STARD9: variants seen among roughly 807,000 people sequenced by gnomAD.
The protein encoded by STARD9 is stAR-related lipid transfer protein 9.
Under a neutral mutation model 399.8 loss-of-function variants are expected in STARD9, and 346 were observed. That is an observed-to-expected ratio of 0.87 (90% CI 0.79 to 0.95). The LOEUF is 0.95. Ranked by LOEUF, STARD9 falls within the 40% of genes least tolerant of loss-of-function variation. The pLI, the probability that STARD9 is intolerant of heterozygous loss-of-function variation, is 0.00. For missense variants in STARD9, 5,832 were observed against 5,667.5 expected, an observed-to-expected ratio of 1.03 and a Z score of -0.93; for synonymous variants, 2,203 against 2,143.5, an observed-to-expected ratio of 1.03 and a Z score of -0.77.
rs1031158079 is a variant in STARD9 at position 42,717,891 on chromosome 15, A to G, written c.13560-86A>G. ...TCCTTTCCCTTACCTGGATTCCTCA[A>G]GTCTTCACTCTGAGCCCCTCCTTTG... On this transcript the variant is annotated intron_variant, in intron 29 of 32. Coordinates refer to ENST00000290607, the MANE Select transcript of STARD9 (RefSeq NM_020759.3). The G allele has an allele frequency of 2.0e-6, 3 of 1,501,418 alleles. No homozygotes were observed. In the South Asian group the frequency reaches 3.6e-5, roughly 18 times the overall value. 93.0% of individuals were successfully genotyped at this position (1,501,418 alleles called of 1,614,324 possible).
intron 3 of STARD9, among the ~76,000 whole-genome samples, chr15:42,602,253 A>C (rs1566865907): frequency 6.6e-6 from 1 of 152,220 alleles, no homozygotes; most frequent in Non-Finnish European, 1.5e-5. Flanking sequence ...GGGTGACTTT[A>C]TCTCTTAAAG....
intron 9 of STARD9, among the ~76,000 whole-genome samples, chr15:42,653,255 A>G (rs1159396124): frequency 1.3e-5 from 2 of 152,234 alleles, no homozygotes; most frequent in African/African-American, 4.8e-5. Context: ...ATTGTGATGG[A>G]TTGAGGAGGT....
At chr15:42,600,611 T>C (rs479519) in intron 3 of STARD9, among the ~76,000 whole-genome samples, 150,689 of 150,740 alleles carry the variant, frequency 1, 75,319 homozygotes, top group Middle Eastern at 1. Context: ...CTGCAACCTC[T>C]GCCTCCCGGG....
In STARD9 at chr15:42,693,246, A is replaced by T; in HGVS notation, c.11668A>T (p.Ser3890Cys). ...GGTCCAGAAGAAGCTGGGCCCCACA[A>T]GTGCTTTGTTCGTGGACAGGGCCTC... ...SRVQKKLGPT[S>C]ALFVDRASSP... Residue 3890 changes from serine to cysteine, a missense_variant, in exon 23 of 33, where the codon AGT becomes TGT. Transcript: ENST00000290607. The T allele has an allele frequency of 6.5e-7, 1 of 1,536,962 alleles. No individual in the cohort carries two copies. Among genetic ancestry groups the T allele is most frequent in the Non-Finnish European group, 8.7e-7 (1 of 1,146,828 alleles).
chr15:42,720,734 A>G lies in STARD9; in HGVS notation c.*1160A>G, dbSNP rs1220543614. On this transcript the variant is annotated 3_prime_UTR_variant, in exon 33 of 33. Transcript: ENST00000290607. ...GATTCAGAAGATGTGGTAAAGGTCTATTTCTGTAGTGTGGCAGAGATGTGT... is the reference window on the plus strand; with the variant it reads ...GATTCAGAAGATGTGGTAAAGGTCTGTTTCTGTAGTGTGGCAGAGATGTGT... The G allele has an allele frequency of 6.6e-6, 1 of 152,176 alleles. No homozygotes were observed. The highest frequency in any genetic ancestry group is 1.5e-5 in the Non-Finnish European group (1 of 68,016). 9.4% of individuals were successfully genotyped at this position (152,176 alleles called of 1,614,324 possible).
intron 3 of STARD9, among the ~76,000 whole-genome samples, chr15:42,624,261 G>T (rs1388797219): frequency 1.3e-5 from 2 of 152,022 alleles, no homozygotes; most frequent in African/African-American, 4.8e-5. Context: ...AAATTAAATA[G>T]AAAATTTTAA....
chr15:42,660,844 G>A (rs951901417), intron 9 of STARD9, among the ~76,000 whole-genome samples: 21 of 152,038 alleles, frequency 1.4e-4, no homozygotes, highest in African/African-American at 2.7e-4. Context: ...GAGCATTTGC[G>A]TGGTAAATTG....
intron 15 of STARD9, among the ~76,000 whole-genome samples, chr15:42,668,123 G>A (rs1031863774): frequency 5.3e-5 from 8 of 152,256 alleles, no homozygotes; most frequent in African/African-American, 1.9e-4. Context: ...AGGAGTAGGT[G>A]GTGAAAGCTG....
intron 26 of STARD9, among the ~76,000 whole-genome samples, chr15:42,700,423 G>T (rs184171130): frequency 6.6e-6 from 1 of 152,122 alleles, no homozygotes; most frequent in African/African-American, 2.4e-5. Context: ...CCCCTTTGTC[G>T]ACATCCTTAC....
In STARD9 at chr15:42,674,728, A is replaced by C. The variant is rs974852571; in HGVS notation, c.1550-99A>C. 13 of 1,422,182 alleles carry C rather than the reference A, an allele frequency of 9.1e-6. No homozygotes were observed. In the African/African-American group the frequency reaches 1.7e-4, roughly 19 times the overall value. 88.1% of individuals were successfully genotyped at this position (1,422,182 alleles called of 1,614,324 possible). A position where few individuals can be genotyped will look rare whatever the true frequency, so the allele number is the denominator to read the frequency against. On this transcript the variant is annotated intron_variant, in intron 17 of 32. Coordinates refer to ENST00000290607, the MANE Select transcript of STARD9 (RefSeq NM_020759.3). The stretch of plus-strand genomic sequence containing the variant: ...GCTCTTCCTCTTTTATTATGGTATG[A>C]GGTCTTCCAGATTTTGGATTCTGAT...
chr15:42,715,975 G>A (rs2061342063), intron 26 of STARD9, among the ~76,000 whole-genome samples: 1 of 152,200 alleles, frequency 6.6e-6, no homozygotes, highest in Non-Finnish European at 1.5e-5. Context: ...GTCTGTGACA[G>A]CAGGTGAGAA....
At chr15:42,612,869 A>G (rs768532298) in intron 3 of STARD9, among the ~76,000 whole-genome samples, 13 of 152,078 alleles carry the variant, frequency 8.5e-5, no homozygotes, top group Non-Finnish European at 1.9e-4. Context: ...CTGTAATCCT[A>G]GCTACTCAGG....
Position 42,665,857 on chromosome 15 carries a change from G to C in STARD9, c.1317+9G>C. ...TCCAAAATGAATTGAAGGTGGGTGT[G>C]TTGGGTGGACTCAGTTGTTCTTTAC... is the stretch of plus-strand genomic sequence containing the variant. On this transcript the variant is annotated intron_variant, in intron 15 of 32. Coordinates refer to ENST00000290607, the MANE Select transcript of STARD9 (RefSeq NM_020759.3). The C allele has an allele frequency of 6.5e-7, 1 of 1,536,864 alleles. No homozygotes were observed.
At position 42,712,090 on chromosome 15, in the gene STARD9, T is replaced by TAAAAAATATAAA. The variant is rs1322176052; in HGVS notation, c.13285-4586_13285-4585insAAAAATATAAAA. On this transcript the variant is annotated intron_variant, in intron 26 of 32. Transcript: ENST00000290607. The stretch of plus-strand genomic sequence containing the variant: ...TATATATATATATATATTATATATA[T>TAAAAAATATAAA]ATATATAATATATAATATATAATAT... Among the ~76,000 whole-genome samples the TAAAAAATATAAA allele has an allele frequency of 5.0e-3, 31 of 6,140 alleles. 2 individuals are homozygous for TAAAAAATATAAA. The highest frequency in any genetic ancestry group is 0.026 in the African/African-American group (29 of 1,112). 4.0% of individuals were successfully genotyped at this position (6,140 alleles called of 152,430 possible). A position where few individuals can be genotyped will look rare whatever the true frequency, so the allele number is the denominator to read the frequency against.
At chr15:42,656,869 G>A (rs909776947) in intron 9 of STARD9, among the ~76,000 whole-genome samples, 4 of 152,128 alleles carry the variant, frequency 2.6e-5, no homozygotes, top group Non-Finnish European at 4.4e-5. Flanking sequence ...TGTGGGAAAG[G>A]GGGGTGAGGG....
intron 1 of STARD9, among the ~76,000 whole-genome samples, chr15:42,582,459 G>C (rs1423673247): frequency 2.0e-5 from 3 of 152,180 alleles, no homozygotes; most frequent in Non-Finnish European, 2.9e-5. Flanking sequence ...AGTGAGTGTA[G>C]AGATTGTTTA....
chr15:42,652,639 C>A, intron 9 of STARD9, 47 bp downstream of exon 9: 1 of 1,426,692 alleles, frequency 7.0e-7, no homozygotes, highest in Non-Finnish European at 9.6e-7. Flanking sequence ...CTCCTTGTAC[C>A]TTTAAACCAC....
intron 3 of STARD9, among the ~76,000 whole-genome samples, chr15:42,586,864 GC>G (rs2058287340): frequency 6.6e-6 from 1 of 150,846 alleles, no homozygotes; most frequent in Admixed American, 6.6e-5. Context: ...TTGGTGGGGG[GC>G]CGGGGGGCGG....
At chr15:42,582,611 T>G (rs1566849205) in intron 1 of STARD9, among the ~76,000 whole-genome samples, 1 of 152,230 alleles carries the variant, frequency 6.6e-6, no homozygotes, top group Non-Finnish European at 1.5e-5. Context: ...CAATACTTTT[T>G]TTTTGTCAAT....
Sources: allele counts gnomAD v4.1 joint callset (sites outside exome capture counted in the v4.1 genomes callset), GRCh38; gene constraint gnomAD v4.1.1; transcripts MANE v1.5; gene names NCBI Gene and HGNC (gene_info 2026-07-23, HGNC 2026-07-21).